CDC5L: variants seen among roughly 807,000 people sequenced by gnomAD.
CDC5L encodes the protein cell division cycle 5-like protein.
A neutral mutation model predicts 104.1 loss-of-function variants in CDC5L; 18 were observed. The ratio of observed to expected loss-of-function variants is 0.17; its 90% CI spans 0.12 to 0.26. The LOEUF is 0.26. CDC5L is among the 10% of genes least tolerant of loss of function. The probability of loss-of-function intolerance (pLI) is 1.00; values close to 1 mark genes in which losing one functional copy is unlikely to be tolerated. For missense variants in CDC5L, 673 were observed against 956.9 expected, an observed-to-expected ratio of 0.70 and a Z score of 3.91; for synonymous variants, 331 against 322.7, an observed-to-expected ratio of 1.03 and a Z score of -0.28.
intron 8 of CDC5L, among the ~76,000 whole-genome samples, chr6:44,418,062 G>T (rs982254462): frequency 8.5e-5 from 13 of 152,104 alleles, no homozygotes; most frequent in African/African-American, 2.9e-4. Flanking sequence ...TGTTACATAT[G>T]TATACATGTG....
rs74797878 is a variant in CDC5L at position 44,425,031 on chromosome 6, T to C, written c.1569+448T>C. On this transcript the variant is annotated intron_variant, in intron 11 of 15. Coordinates refer to ENST00000371477, the MANE Select transcript of CDC5L (RefSeq NM_001253.4). ...GAGTTTGAATCCAGTCCGGGGAACA[T>C]AGTAAGACCTCTATCTAAACTGGAG... Among the ~76,000 whole-genome samples the C allele has an allele frequency of 8.1e-4, 124 of 152,264 alleles. No homozygotes were observed. In the East Asian group the frequency reaches 0.022, roughly 27 times the overall value.
chr6:44,443,713 G>T (rs557435274), intron 14 of CDC5L, among the ~76,000 whole-genome samples: 2 of 151,652 alleles, frequency 1.3e-5, no homozygotes, highest in South Asian at 4.2e-4. Flanking sequence ...CTGTCTCTTT[G>T]TGGAAGTTCT....
chr6:44,437,248 G>A (rs1028283403), intron 14 of CDC5L, among the ~76,000 whole-genome samples: 8 of 152,108 alleles, frequency 5.3e-5, no homozygotes, highest in Non-Finnish European at 1.0e-4. Context: ...TTATTGGCTT[G>A]AAAAAGACCA....
chr6:44,414,366 C>G (rs1791806691), intron 8 of CDC5L, among the ~76,000 whole-genome samples: 2 of 146,796 alleles, frequency 1.4e-5, no homozygotes, highest in Admixed American at 1.4e-4. Context: ...GCGTGAGCCA[C>G]TGTGCCTGGC....
Position 44,390,968 on chromosome 6 carries a change from AAT to A in CDC5L, c.149+600_149+601del, listed in dbSNP as rs560302449. Among the ~76,000 whole-genome samples, 4 of 121,676 alleles carry A rather than the reference AAT, an allele frequency of 3.3e-5. No individual in the cohort carries two copies. The East Asian group carries it at 8.2e-4, about 25-fold the overall frequency. 79.8% of individuals were successfully genotyped at this position (121,676 alleles called of 152,430 possible). On this transcript the variant is annotated intron_variant, in intron 2 of 15. Coordinates refer to ENST00000371477, the MANE Select transcript of CDC5L (RefSeq NM_001253.4). Reference sequence around the variant, plus strand: ...TATATATTATATATTAAACATATTTAATATGTTATATATTATATATTAAACAT... The same window carrying A: ...TATATATTATATATTAAACATATTTAATGTTATATATTATATATTAAACAT...
At position 44,424,413 on chromosome 6, in the gene CDC5L, C is replaced by T; in HGVS notation, c.1405-6C>T. The T allele has an allele frequency of 6.2e-7, 1 of 1,609,786 alleles. No individual in the cohort carries two copies. Among genetic ancestry groups the T allele is most frequent in the African/African-American group, 1.3e-5 (1 of 74,796 alleles). ...TGAATTGAGAAGGACCACTTCTTTT[C>T]TACAGGAAAGAGAATCCCGAGAACA... On this transcript the variant is annotated splice_polypyrimidine_tract_variant and splice_region_variant and intron_variant, in intron 10 of 15. Transcript: ENST00000371477.
chr6:44,393,540 C>T lies in CDC5L; in HGVS notation c.406C>T (p.Pro136Ser). The T allele has an allele frequency of 6.2e-7, 1 of 1,613,936 alleles. No homozygotes were observed. Among genetic ancestry groups the T allele is most frequent in the Non-Finnish European group, 8.5e-7 (1 of 1,179,932 alleles). ...AATAGATCCAAATCCAGAAACAAAA[C>T]CAGCGCGGCCTGATCCAATTGATAT... The part of the protein sequence containing the change: ...GEIDPNPETK[P>S]ARPDPIDMDE... The change falls in exon 4 of 16, where the codon CCA (proline) becomes TCA (serine). Residue 136 changes from proline (P) to serine (S), a missense_variant. Pro to Ser is a moderately conservative substitution (Grantham distance 74). Coordinates refer to ENST00000371477, the MANE Select transcript of CDC5L (RefSeq NM_001253.4).
intron 14 of CDC5L, among the ~76,000 whole-genome samples, chr6:44,443,375 A>T (rs1383394879): frequency 6.7e-6 from 1 of 150,342 alleles, no homozygotes; most frequent in Non-Finnish European, 1.5e-5. Context: ...GGCTTCCTGG[A>T]TCTAGCTTTC....
chr6:44,439,202 T>C (rs1390328094), intron 14 of CDC5L, among the ~76,000 whole-genome samples: 1 of 152,224 alleles, frequency 6.6e-6, no homozygotes, highest in African/African-American at 2.4e-5. Flanking sequence ...TTTTTATGGC[T>C]GAGTACCATT....
At chr6:44,412,661 G>A (rs962692675) in intron 8 of CDC5L, among the ~76,000 whole-genome samples, 6 of 151,532 alleles carry the variant, frequency 4.0e-5, no homozygotes, top group African/African-American at 1.5e-4. Flanking sequence ...GACATTTAAT[G>A]GAACTCCTTT....
At chr6:44,403,715 C>T in intron 5 of CDC5L, 94 bp from the exon 6 acceptor site, 3 of 846,350 alleles carry the variant, frequency 3.5e-6, no homozygotes, top group South Asian at 3.6e-5. Context: ...TATTTCTTCC[C>T]CAAATAAATA....
At position 44,393,573 on chromosome 6, in the gene CDC5L, G is replaced by A. The variant is rs767062259; in HGVS notation, c.439G>A (p.Asp147Asn). 2 of 1,612,322 alleles carry A rather than the reference G, an allele frequency of 1.2e-6. No individual in the cohort carries two copies. Among genetic ancestry groups the A allele is most frequent in the Non-Finnish European group, 1.7e-6 (2 of 1,179,216 alleles). The change falls in exon 4 of 16, where the codon GAT becomes AAT. Residue 147 changes from aspartate (D) to asparagine (N), a missense_variant and splice_region_variant. Asp to Asn is a conservative substitution (Grantham distance 23). Transcript: ENST00000371477. ...ARPDPIDMDE[D>N]ELEMLSEARA... Reference sequence around the variant, plus strand: ...GCCTGATCCAATTGATATGGATGAGGGTAAGTGTATGCTTTGAGGAATTTA... The same window carrying A: ...GCCTGATCCAATTGATATGGATGAGAGTAAGTGTATGCTTTGAGGAATTTA...
chr6:44,429,919 C>T lies in CDC5L; in HGVS notation c.2091+9C>T, dbSNP rs996899494. 6.2e-7 allele frequency: 1 copy of T among 1,606,038 alleles called. No individual in the cohort carries two copies. The highest frequency in any genetic ancestry group is 1.3e-5 in the African/African-American group (1 of 74,546). On this transcript the variant is annotated intron_variant, in intron 14 of 15. Coordinates refer to ENST00000371477, the MANE Select transcript of CDC5L (RefSeq NM_001253.4). ...TTGAAAAGAGGCTCGAGGTTGGTAT[C>T]CTTTTAAAATTTTAATTTTAAATGT...
chr6:44,399,153 A>G (rs541100463), intron 5 of CDC5L, among the ~76,000 whole-genome samples: 112 of 152,216 alleles, frequency 7.4e-4, no homozygotes, highest in Non-Finnish European at 1.1e-3. Context: ...GAGTCTCGCT[A>G]TGTTGCCCAG....
intron 8 of CDC5L, among the ~76,000 whole-genome samples, chr6:44,418,615 A>G (rs1287318678): frequency 6.6e-6 from 1 of 152,146 alleles, no homozygotes; most frequent in African/African-American, 2.4e-5. Context: ...TCCCACCAGC[A>G]GTGTAAAAGT....
At chr6:44,389,355 A>T (rs1021263775) in intron 1 of CDC5L, among the ~76,000 whole-genome samples, 2 of 152,332 alleles carry the variant, frequency 1.3e-5, no homozygotes, top group Middle Eastern at 3.4e-3. Context: ...AAAGCTCTGC[A>T]GTCTTTTTAA....
intron 8 of CDC5L, among the ~76,000 whole-genome samples, chr6:44,412,533 CT>C (rs1181125603): frequency 1.3e-5 from 2 of 151,530 alleles, no homozygotes; most frequent in African/African-American, 2.4e-5. Flanking sequence ...TGACCCCCCA[CT>C]TTTTTCAGTG....
chr6:44,398,402 T>G (rs1448338319), intron 5 of CDC5L, among the ~76,000 whole-genome samples: 1 of 152,210 alleles, frequency 6.6e-6, no homozygotes, highest in Non-Finnish European at 1.5e-5. Context: ...TCTCCAAGTG[T>G]GGCTAGCATT....
intron 14 of CDC5L, among the ~76,000 whole-genome samples, chr6:44,443,006 G>A (rs1296958488): frequency 1.4e-4 from 2 of 14,044 alleles, no homozygotes; most frequent in Non-Finnish European, 2.1e-4. Flanking sequence ...TTCTTGGTTG[G>A]CAGTTTTTTT....
Sources: gnomAD v4.1 joint callset for allele counts (sites outside exome capture counted in the v4.1 genomes callset) on GRCh38, gnomAD v4.1.1 for gene constraint, MANE v1.5 for transcripts, NCBI Gene and HGNC (gene_info 2026-07-23, HGNC 2026-07-21) for gene names.